INPP4B: variants seen among roughly 807,000 people sequenced by gnomAD.
INPP4B encodes inositol polyphosphate-4-phosphatase type II B.
Under a neutral mutation model 122.5 loss-of-function variants are expected in INPP4B, and 55 were observed. The observed-to-expected ratio is 0.45, with a 90% CI of 0.36 to 0.56. The LOEUF is 0.56. INPP4B is among the 20% of genes least tolerant of loss of function. The probability of loss-of-function intolerance (pLI) is 0.00; values close to 1 mark genes in which losing one functional copy is unlikely to be tolerated. For missense variants in INPP4B, 1,000 were observed against 1,097.7 expected, an observed-to-expected ratio of 0.91 and a Z score of 1.26; for synonymous variants, 403 against 388.7, an observed-to-expected ratio of 1.04 and a Z score of -0.43.
intron 2 of INPP4B, among the ~76,000 whole-genome samples, chr4:142,569,127 T>C (rs1457556168): frequency 1.3e-5 from 2 of 152,106 alleles, no homozygotes; most frequent in African/African-American, 4.8e-5. Context: ...TGTACACACA[T>C]ACACAGTCTG....
At chr4:142,084,176 T>A (rs1775552066) in intron 24 of INPP4B, among the ~76,000 whole-genome samples, 1 of 152,166 alleles carries the variant, frequency 6.6e-6, no homozygotes, top group Non-Finnish European at 1.5e-5. Flanking sequence ...CAGGCTGGAG[T>A]GCTGTGGCTC....
chr4:142,691,195 T>C (rs1029196364), intron 2 of INPP4B, among the ~76,000 whole-genome samples: 1 of 152,060 alleles, frequency 6.6e-6, no homozygotes, highest in Non-Finnish European at 1.5e-5. Flanking sequence ...ATGTTTCCTA[T>C]CAAACTCTAA....
intron 17 of INPP4B, among the ~76,000 whole-genome samples, chr4:142,146,242 T>C (rs1441435651): frequency 1.3e-5 from 2 of 152,182 alleles, no homozygotes; most frequent in Admixed American, 6.5e-5. Context: ...CATAAAGAAA[T>C]GATGACCATC....
At chr4:142,828,695 A>G (rs1275484421) in intron 1 of INPP4B, among the ~76,000 whole-genome samples, 1 of 152,226 alleles carries the variant, frequency 6.6e-6, no homozygotes, top group Non-Finnish European at 1.5e-5. Flanking sequence ...AAGAGATAGC[A>G]GAAACAACCA....
At chr4:142,599,182 C>T (rs755455199) in intron 2 of INPP4B, among the ~76,000 whole-genome samples, 4 of 152,118 alleles carry the variant, frequency 2.6e-5, no homozygotes, top group Non-Finnish European at 5.9e-5. Context: ...TTCCTGAGTA[C>T]CCTCTTAGCC....
Position 142,235,180 on chromosome 4 carries a change from T to C in INPP4B, c.836+2684A>G, listed in dbSNP as rs76610412. 6.0e-4 allele frequency among the ~76,000 whole-genome samples: 91 copies of C among 152,112 alleles called. 1 individual carries two copies. The East Asian group carries it at 0.012, about 20-fold the overall frequency. On this transcript the variant is annotated intron_variant, in intron 12 of 25. Coordinates refer to ENST00000262992, the MANE Select transcript of INPP4B (RefSeq NM_001101669.3). ...AGTAGAAAGACAGCGGCTCATCCTT[T>C]AAGAGGTTTCTAAACTGAAGACCCA...
intron 2 of INPP4B, among the ~76,000 whole-genome samples, chr4:142,622,975 C>A (rs1745304445): frequency 6.6e-6 from 1 of 151,878 alleles, no homozygotes; most frequent in Admixed American, 6.6e-5. Flanking sequence ...AAATTACTGC[C>A]CAAAGAGATG....
At chr4:142,590,294 G>T (rs1295138380) in intron 2 of INPP4B, among the ~76,000 whole-genome samples, 1 of 152,122 alleles carries the variant, frequency 6.6e-6, no homozygotes, top group African/African-American at 2.4e-5. Flanking sequence ...AGGAGATCGG[G>T]GGAATCCCAA....
At chr4:142,359,638 T>C (rs1784757480) in intron 7 of INPP4B, among the ~76,000 whole-genome samples, 1 of 152,008 alleles carries the variant, frequency 6.6e-6, no homozygotes. Flanking sequence ...AAATTCTACA[T>C]ATTTTCTAAA....
At chr4:142,582,106 T>G (rs1222194465) in intron 2 of INPP4B, among the ~76,000 whole-genome samples, 1 of 152,060 alleles carries the variant, frequency 6.6e-6, no homozygotes, top group East Asian at 1.9e-4. Flanking sequence ...CTGCTGCCAA[T>G]TTGTTCTTAC....
intron 1 of INPP4B, among the ~76,000 whole-genome samples, chr4:142,740,563 A>G (rs1767757694): frequency 6.6e-6 from 1 of 152,004 alleles, no homozygotes; most frequent in Non-Finnish European, 1.5e-5. Flanking sequence ...GGTGTTTACT[A>G]ACACTAGGAT....
intron 18 of INPP4B, among the ~76,000 whole-genome samples, chr4:142,130,703 A>G (rs914537252): frequency 1.3e-5 from 2 of 152,204 alleles, no homozygotes; most frequent in Non-Finnish European, 2.9e-5. Context: ...TTAAAATGTA[A>G]TCAGTGTAAT....
intron 2 of INPP4B, among the ~76,000 whole-genome samples, chr4:142,657,949 G>C (rs1268782779): frequency 3.9e-5 from 6 of 152,134 alleles, no homozygotes. Context: ...CAAAAAGAGA[G>C]GTAAATAGGA....
chr4:142,465,927 C>T (rs1817671360), intron 2 of INPP4B, among the ~76,000 whole-genome samples: 1 of 152,172 alleles, frequency 6.6e-6, no homozygotes, highest in South Asian at 2.1e-4. Flanking sequence ...TGAGGCCTCA[C>T]CAGAAGCAAA....
chr4:142,216,417 A>G (rs746799954), intron 12 of INPP4B, among the ~76,000 whole-genome samples: 6 of 152,192 alleles, frequency 3.9e-5, no homozygotes, highest in Non-Finnish European at 7.3e-5. Context: ...TTTCCTGACT[A>G]CAAAAATAAA....
rs767755101 is a variant in INPP4B, at chr4:142,405,162, AG to A, written c.255+43del. ...GAGCAAGAGCGAGCGAGCCAGCAAGAGAGAGAGAGAGAGAGAGATTAATGTA... is the reference window on the plus strand; with the variant it reads ...GAGCAAGAGCGAGCGAGCCAGCAAGAAGAGAGAGAGAGAGAGATTAATGTA... On this transcript the variant is annotated intron_variant, in intron 6 of 25. Transcript: ENST00000262992. 6 of 450,860 alleles carry A rather than the reference AG, an allele frequency of 1.3e-5. No homozygotes were observed. In the South Asian group the frequency reaches 1.8e-4, roughly 14 times the overall value. The allele number at this position is 450,860 out of a possible 1,614,324, so 27.9% of individuals were successfully genotyped here.
intron 2 of INPP4B, among the ~76,000 whole-genome samples, chr4:142,551,515 T>C (rs1302868154): frequency 6.6e-6 from 1 of 152,202 alleles, no homozygotes; most frequent in East Asian, 1.9e-4. Flanking sequence ...CTAAATGTTT[T>C]ACTATTAAAC....
At chr4:142,738,208 C>T (rs1163938884) in intron 1 of INPP4B, among the ~76,000 whole-genome samples, 2 of 152,254 alleles carry the variant, frequency 1.3e-5, no homozygotes, top group East Asian at 1.9e-4. Flanking sequence ...TGGAACCAAC[C>T]CAAATGTCCA....
chr4:142,249,832 A>G (rs1004314309), intron 11 of INPP4B, among the ~76,000 whole-genome samples: 1 of 152,174 alleles, frequency 6.6e-6, no homozygotes, highest in African/African-American at 2.4e-5. Context: ...TGACTTAGGC[A>G]CCAAACTCCA....
Sources: gnomAD v4.1 joint callset for allele counts (sites outside exome capture counted in the v4.1 genomes callset) on GRCh38, gnomAD v4.1.1 for gene constraint, MANE v1.5 for transcripts, NCBI Gene and HGNC (gene_info 2026-07-23, HGNC 2026-07-21) for gene names.